CFAP299: variants seen among roughly 807,000 people sequenced by gnomAD.
The protein encoded by CFAP299 is cilia- and flagella-associated protein 299.
Under a neutral mutation model 27.0 loss-of-function variants are expected in CFAP299, and 21 were observed. The ratio of observed to expected loss-of-function variants is 0.78; its 90% CI spans 0.55 to 1.12. The LOEUF is 1.12. CFAP299 is among the 50% of genes most tolerant of loss of function. The pLI is 0.00. For synonymous variants in CFAP299, 104 were observed against 98.1 expected (o/e 1.06, Z -0.36); for missense variants, 310 against 276.6 (o/e 1.12, Z -0.86).
In CFAP299 at chr4:80,794,459, A is replaced by T. The variant is rs369087791; in HGVS notation, c.334-75534A>T. Reference sequence around the variant, plus strand: ...AGTATCATGTATTGGACTCTGATTCACGGGTCTTCTGGAGAACTTTACCCC... The same window carrying T: ...AGTATCATGTATTGGACTCTGATTCTCGGGTCTTCTGGAGAACTTTACCCC... On this transcript the variant is annotated intron_variant, in intron 3 of 5. Transcript: ENST00000358105. Among the ~76,000 whole-genome samples, 7 of 152,182 alleles carry T rather than the reference A, an allele frequency of 4.6e-5. No homozygotes were observed. In the East Asian group the frequency reaches 1.4e-3, roughly 29 times the overall value.
At chr4:80,603,768 A>G (rs1737492501) in intron 3 of CFAP299, among the ~76,000 whole-genome samples, 1 of 152,206 alleles carries the variant, frequency 6.6e-6, no homozygotes, top group Non-Finnish European at 1.5e-5. Context: ...AAATATTAAT[A>G]AGGTTGAAAA....
chr4:80,896,487 C>G (rs1054671813), intron 4 of CFAP299, among the ~76,000 whole-genome samples: 4 of 151,998 alleles, frequency 2.6e-5, no homozygotes, highest in Non-Finnish European at 4.4e-5. Context: ...TCAGATCAGA[C>G]ACACAAATTA....
At chr4:80,739,911 A>G (rs190314667) in intron 3 of CFAP299, among the ~76,000 whole-genome samples, 111 of 151,570 alleles carry the variant, frequency 7.3e-4, no homozygotes, top group African/African-American at 2.3e-3. Flanking sequence ...TATTCAAGCT[A>G]TTTTTCTCTT....
At chr4:80,793,275 G>C (rs1727674999) in intron 3 of CFAP299, among the ~76,000 whole-genome samples, 1 of 152,044 alleles carries the variant, frequency 6.6e-6, no homozygotes, top group Non-Finnish European at 1.5e-5. Context: ...TCCAGGATGA[G>C]AGAAAGATGT....
chr4:80,632,325 TTCA>T (rs1739251437), intron 3 of CFAP299, among the ~76,000 whole-genome samples: 1 of 152,196 alleles, frequency 6.6e-6, no homozygotes, highest in Non-Finnish European at 1.5e-5. Context: ...TCCCCTCTTC[TTCA>T]TATCACTTAA....
intron 3 of CFAP299, among the ~76,000 whole-genome samples, chr4:80,767,392 G>A (rs1725936295): frequency 6.6e-6 from 1 of 152,010 alleles, no homozygotes. Flanking sequence ...GGTGGATCAC[G>A]AGGTCAGGAG....
chr4:80,781,135 A>G (rs938449730), intron 3 of CFAP299, among the ~76,000 whole-genome samples: 1 of 151,986 alleles, frequency 6.6e-6, no homozygotes, highest in African/African-American at 2.4e-5. Flanking sequence ...AATATCTTCT[A>G]TTGTTGATGA....
chr4:80,881,182 C>T (rs1733686486), intron 4 of CFAP299, among the ~76,000 whole-genome samples: 1 of 152,166 alleles, frequency 6.6e-6, no homozygotes, highest in South Asian at 2.1e-4. Flanking sequence ...TCATCTCATA[C>T]TAAATGCTGA....
intron 3 of CFAP299, among the ~76,000 whole-genome samples, chr4:80,674,335 T>G (rs1404807996): frequency 6.6e-6 from 1 of 152,196 alleles, no homozygotes; most frequent in Non-Finnish European, 1.5e-5. Context: ...TCTTTAATAA[T>G]GTTGAATATT....
At chr4:80,705,656 C>T (rs2110031539) in intron 3 of CFAP299, among the ~76,000 whole-genome samples, 1 of 151,968 alleles carries the variant, frequency 6.6e-6, no homozygotes, top group East Asian at 1.9e-4. Context: ...TATCTAACCC[C>T]AATCTCCACC....
intron 2 of CFAP299, among the ~76,000 whole-genome samples, chr4:80,382,410 G>A (rs1038157775): frequency 1.3e-5 from 2 of 152,122 alleles, no homozygotes; most frequent in Non-Finnish European, 2.9e-5. Context: ...ACAACCTACA[G>A]AATTGGAGAA....
intron 4 of CFAP299, among the ~76,000 whole-genome samples, chr4:80,924,481 T>C (rs1278750285): frequency 6.6e-6 from 1 of 150,600 alleles, no homozygotes; most frequent in African/African-American, 2.4e-5. Flanking sequence ...TTCCAAACCA[T>C]TGCTATAATA....
At chr4:80,708,707 T>C (rs1327352880) in intron 3 of CFAP299, among the ~76,000 whole-genome samples, 2 of 152,246 alleles carry the variant, frequency 1.3e-5, no homozygotes, top group Non-Finnish European at 2.9e-5. Context: ...TGTTATACTA[T>C]GAGCTCTCTC....
At chr4:80,512,031 C>T (rs770751023) in intron 2 of CFAP299, among the ~76,000 whole-genome samples, 4 of 152,072 alleles carry the variant, frequency 2.6e-5, no homozygotes, top group Non-Finnish European at 4.4e-5. Context: ...TCCTGGCCCC[C>T]GCCTTAAATG....
chr4:80,609,139 T>C (rs536368344), intron 3 of CFAP299, among the ~76,000 whole-genome samples: 12 of 152,046 alleles, frequency 7.9e-5, no homozygotes, highest in Non-Finnish European at 1.3e-4. Flanking sequence ...ATATATTTGC[T>C]ACTTGAGTAC....
At chr4:80,910,563 A>C (rs1331992535) in intron 4 of CFAP299, among the ~76,000 whole-genome samples, 2 of 152,132 alleles carry the variant, frequency 1.3e-5, no homozygotes, top group East Asian at 3.8e-4. Context: ...CTAGCCAACT[A>C]ATGCAGGAAC....
intron 3 of CFAP299, among the ~76,000 whole-genome samples, chr4:80,748,605 T>C (rs1300917341): frequency 6.6e-6 from 1 of 152,176 alleles, no homozygotes; most frequent in Non-Finnish European, 1.5e-5. Context: ...CATGGTATTA[T>C]TTTTCACTTC....
intron 2 of CFAP299, among the ~76,000 whole-genome samples, chr4:80,573,351 CTT>C (rs1054636291): frequency 5.3e-5 from 8 of 151,980 alleles, no homozygotes; most frequent in Non-Finnish European, 8.8e-5. Context: ...TGTTTGAACT[CTT>C]TGTATATTCT....
chr4:80,417,635 A>G (rs904327133), intron 2 of CFAP299, among the ~76,000 whole-genome samples: 3 of 152,140 alleles, frequency 2.0e-5, no homozygotes, highest in Non-Finnish European at 4.4e-5. Flanking sequence ...TTTGAAATAC[A>G]ATCATATTTC....
Sources: allele counts gnomAD v4.1 joint callset (sites outside exome capture counted in the v4.1 genomes callset), GRCh38; gene constraint gnomAD v4.1.1; transcripts MANE v1.5; gene names NCBI Gene and HGNC (gene_info 2026-07-23, HGNC 2026-07-21).